LRRC7: variants seen among roughly 807,000 people sequenced by gnomAD.
LRRC7 encodes the protein leucine-rich repeat-containing protein 7.
In LRRC7, 23 loss-of-function variants were observed where a neutral mutation model predicts 175.7. The observed-to-expected ratio is 0.13, with a 90% CI of 0.09 to 0.19. LRRC7 has a LOEUF of 0.19. Ranked by LOEUF, LRRC7 falls within the 10% of genes least tolerant of loss-of-function variation. The pLI is 1.00. For synonymous variants in LRRC7, 685 were observed against 680.9 expected (o/e 1.01, Z -0.09); for missense variants, 1,354 against 1,904.7 (o/e 0.71, Z 5.38).
intron 2 of LRRC7, among the ~76,000 whole-genome samples, chr1:69,709,991 A>G (rs1664544029): frequency 6.6e-6 from 1 of 152,102 alleles, no homozygotes; most frequent in Admixed American, 6.5e-5. Context: ...ATCTAGAAAA[A>G]AAGTCAACCG....
At chr1:69,897,329 T>C (rs1251520546) in intron 7 of LRRC7, among the ~76,000 whole-genome samples, 3 of 152,228 alleles carry the variant, frequency 2.0e-5, no homozygotes, top group African/African-American at 4.8e-5. Context: ...CAATAAAATA[T>C]TAGCTTTTCA....
chr1:70,040,116 C>T (rs560276483), intron 21 of LRRC7, among the ~76,000 whole-genome samples: 35 of 152,268 alleles, frequency 2.3e-4, no homozygotes, highest in African/African-American at 6.7e-4. Context: ...TCTCCTAGGA[C>T]GCAAAACTGT....
Position 69,862,791 on chromosome 1 carries a change from A to C in LRRC7, c.647+24508A>C, listed in dbSNP as rs1024806937. On this transcript the variant is annotated intron_variant, in intron 7 of 26. Coordinates refer to ENST00000651989, the MANE Select transcript of LRRC7 (RefSeq NM_001370785.2). ...TACGCATGCCATAGTGGTTTGCTGC[A>C]CCCATCAACCCGTCACCTACTATCC... Among the ~76,000 whole-genome samples, 7 of 152,094 alleles carry C rather than the reference A, an allele frequency of 4.6e-5. No individual in the cohort carries two copies. The East Asian group carries it at 1.4e-3, about 29-fold the overall frequency.
At chr1:69,934,348 A>C (rs2101779301) in intron 8 of LRRC7, among the ~76,000 whole-genome samples, 1 of 152,264 alleles carries the variant, frequency 6.6e-6, no homozygotes, top group South Asian at 2.1e-4. Context: ...AAATGTCCCA[A>C]ATAAGATTCA....
rs1427798612 is a variant in LRRC7, at chr1:70,129,621, G to A, written c.*7734G>A. 6.6e-6 allele frequency among the ~76,000 whole-genome samples: 1 copy of A among 152,168 alleles called. No homozygotes were observed. Among genetic ancestry groups the A allele is most frequent in the African/African-American group, 2.4e-5 (1 of 41,430 alleles). On this transcript the variant is annotated 3_prime_UTR_variant, in exon 27 of 27. Coordinates refer to ENST00000651989, the MANE Select transcript of LRRC7 (RefSeq NM_001370785.2). Reference sequence around the variant, plus strand: ...ACTGTCAGGGAGCGTGGGAATCCATGCTGTCCAATGTTAGAATGACCCACT... The same window carrying A: ...ACTGTCAGGGAGCGTGGGAATCCATACTGTCCAATGTTAGAATGACCCACT...
At chr1:69,892,645 T>C (rs1645870420) in intron 7 of LRRC7, among the ~76,000 whole-genome samples, 1 of 152,106 alleles carries the variant, frequency 6.6e-6, no homozygotes, top group Non-Finnish European at 1.5e-5. Flanking sequence ...TAATGAGAGG[T>C]AGATACTATT....
chr1:70,047,356 A>G (rs1660406429), intron 22 of LRRC7, among the ~76,000 whole-genome samples: 1 of 152,242 alleles, frequency 6.6e-6, no homozygotes, highest in South Asian at 2.1e-4. Flanking sequence ...AAGCACTGGA[A>G]ATGGAGTTGT....
intron 26 of LRRC7, among the ~76,000 whole-genome samples, chr1:70,116,645 TTC>T (rs950182160): frequency 7.3e-4 from 111 of 152,242 alleles, no homozygotes; most frequent in Middle Eastern, 3.4e-3. Flanking sequence ...ACTTCAAACT[TTC>T]TCACATTTAC....
intron 26 of LRRC7, among the ~76,000 whole-genome samples, chr1:70,110,619 T>C (rs1276652283): frequency 6.6e-6 from 1 of 152,148 alleles, no homozygotes; most frequent in African/African-American, 2.4e-5. Context: ...CCAAGATGTC[T>C]CTTCTCTCCA....
At chr1:69,691,235 A>G (rs1661815685) in intron 2 of LRRC7, among the ~76,000 whole-genome samples, 1 of 152,100 alleles carries the variant, frequency 6.6e-6, no homozygotes, top group African/African-American at 2.4e-5. Context: ...TCTTACCTGA[A>G]TAATTTTATG....
At chr1:69,825,876 A>G (rs748465093) in intron 5 of LRRC7, 50 bp downstream of exon 5, 1 of 1,194,656 alleles carries the variant, frequency 8.4e-7, no homozygotes, top group Non-Finnish European at 1.2e-6. Context: ...CCATTGTATA[A>G]TAATGTACCT....
rs1037033971 is a variant in LRRC7 at position 70,141,188 on chromosome 1, G to C, written c.*19301G>C. On this transcript the variant is annotated 3_prime_UTR_variant, in exon 27 of 27. Coordinates refer to ENST00000651989, the MANE Select transcript of LRRC7 (RefSeq NM_001370785.2). ...CTGGTGGCTGCAAATGAGCAAGGGAGCTTCATTCAGTTGGGACAATTCAGG... is the reference window on the plus strand; with the variant it reads ...CTGGTGGCTGCAAATGAGCAAGGGACCTTCATTCAGTTGGGACAATTCAGG... Among the ~76,000 whole-genome samples, 2 of 152,086 alleles carry C rather than the reference G, an allele frequency of 1.3e-5. No homozygotes were observed. Among genetic ancestry groups the C allele is most frequent in the African/African-American group, 4.8e-5 (2 of 41,408 alleles).
At chr1:69,882,532 C>G (rs1686724512) in intron 7 of LRRC7, among the ~76,000 whole-genome samples, 2 of 151,426 alleles carry the variant, frequency 1.3e-5, no homozygotes, top group East Asian at 3.9e-4. Context: ...AATATAAACA[C>G]TATATAAATA....
At chr1:70,077,644 G>A (rs771595200) in intron 24 of LRRC7, among the ~76,000 whole-genome samples, 1 of 152,126 alleles carries the variant, frequency 6.6e-6, no homozygotes, top group East Asian at 1.9e-4. Context: ...ACATTGAAAA[G>A]TAGGTTTAGT....
chr1:69,592,400 G>T (rs1011906907), intron 1 of LRRC7, among the ~76,000 whole-genome samples: 1 of 152,070 alleles, frequency 6.6e-6, no homozygotes, highest in African/African-American at 2.4e-5. Context: ...AAGAAAGAGT[G>T]AGTGCATATA....
chr1:69,849,462 T>C (rs1416022697), intron 7 of LRRC7, among the ~76,000 whole-genome samples: 3 of 152,046 alleles, frequency 2.0e-5, no homozygotes, highest in Admixed American at 1.3e-4. Flanking sequence ...TGGAACAGCA[T>C]TTCTTATACT....
In LRRC7 at chr1:69,879,212, T is replaced by TAAAAAAAAAAAAAA. The variant is rs201332183; in HGVS notation, c.647+40940_647+40953dup. ...TTTTGCTGTAAACCTAAAACTGCTTTAAAAAAAAAAAAAAAAAAAAAAAAG... is the reference window on the plus strand; with the variant it reads ...TTTTGCTGTAAACCTAAAACTGCTTTAAAAAAAAAAAAAAAAAAAAAAAAAAAAAAAAAAAAAAG... On this transcript the variant is annotated intron_variant, in intron 7 of 26. Transcript: ENST00000651989. 8.7e-4 allele frequency among the ~76,000 whole-genome samples: 80 copies of TAAAAAAAAAAAAAA among 91,944 alleles called. 3 individuals are homozygous for TAAAAAAAAAAAAAA. Among genetic ancestry groups the TAAAAAAAAAAAAAA allele is most frequent in the African/African-American group, 3.7e-3 (71 of 19,174 alleles). 60.3% of individuals were successfully genotyped at this position (91,944 alleles called of 152,430 possible). A position where few individuals can be genotyped will look rare whatever the true frequency, so the allele number is the denominator to read the frequency against.
rs1667173831 is a variant in LRRC7 at position 70,143,652 on chromosome 1, A to T, written c.*21765A>T. The T allele has an allele frequency of 6.6e-6, 1 of 152,056 alleles. No individual in the cohort carries two copies. Among genetic ancestry groups the T allele is most frequent in the Admixed American group, 6.6e-5 (1 of 15,238 alleles). The allele number at this position is 152,056 out of a possible 1,614,324, so 9.4% of individuals were successfully genotyped here. On this transcript the variant is annotated 3_prime_UTR_variant, in exon 27 of 27. Coordinates refer to ENST00000651989, the MANE Select transcript of LRRC7 (RefSeq NM_001370785.2). ...AAATTCGGGTGGGAGGGGGCAGGAA[A>T]CACCTCTTCACATTTAAGGTTTTCT...
chr1:69,702,386 TG>T (rs1663471504), intron 2 of LRRC7, among the ~76,000 whole-genome samples: 1 of 152,196 alleles, frequency 6.6e-6, no homozygotes, highest in Admixed American at 6.6e-5. Flanking sequence ...GCAACATTTT[TG>T]TGGCATCTTG....
Sources: gnomAD v4.1 joint callset for allele counts (sites outside exome capture counted in the v4.1 genomes callset) on GRCh38, gnomAD v4.1.1 for gene constraint, MANE v1.5 for transcripts, NCBI Gene and HGNC (gene_info 2026-07-23, HGNC 2026-07-21) for gene names.